PLXDC2: variants seen among roughly 807,000 people sequenced by gnomAD.
The protein encoded by PLXDC2 is plexin domain-containing protein 2.
A neutral mutation model predicts 68.9 loss-of-function variants in PLXDC2; 40 were observed. That is an observed-to-expected ratio of 0.58 (90% CI 0.45 to 0.76). PLXDC2 has a LOEUF of 0.76. Ranked by LOEUF, PLXDC2 falls within the 30% of genes least tolerant of loss-of-function variation. PLXDC2 has a pLI of 0.00. For missense variants in PLXDC2, 644 were observed against 661.9 expected (o/e 0.97, Z 0.30); for synonymous variants, 243 against 234.2 (o/e 1.04, Z -0.34).
intron 1 of PLXDC2, among the ~76,000 whole-genome samples, chr10:19,847,614 C>CATTT (rs373351127): frequency 3.0e-4 from 46 of 152,328 alleles, no homozygotes; most frequent in African/African-American, 9.9e-4. Flanking sequence ...ATTCCATACA[C>CATTT]ATTTAAGTTT....
At chr10:19,898,036 T>C (rs1380438544) in intron 1 of PLXDC2, among the ~76,000 whole-genome samples, 1 of 152,202 alleles carries the variant, frequency 6.6e-6, no homozygotes, top group Non-Finnish European at 1.5e-5. Context: ...GAGTACCACA[T>C]ACTTGAAAGT....
intron 1 of PLXDC2, among the ~76,000 whole-genome samples, chr10:19,997,298 A>G (rs1029777337): frequency 7.2e-5 from 11 of 152,244 alleles, no homozygotes; most frequent in African/African-American, 2.7e-4. Context: ...AGATGCAAAG[A>G]CATATGGCAT....
At chr10:20,243,354 A>G (rs139190915) in intron 12 of PLXDC2, among the ~76,000 whole-genome samples, 2 of 152,356 alleles carry the variant, frequency 1.3e-5, no homozygotes, top group East Asian at 3.9e-4. Context: ...TAATACAACT[A>G]TCCCTGACAC....
chr10:20,053,450 G>T lies in PLXDC2; in HGVS notation c.471+6435G>T, dbSNP rs554243949. ...TATTAAAATTCTCACAGTTATCTGG[G>T]TATTTTGTCCTTCATTCAGAGCCAC... On this transcript the variant is annotated intron_variant, in intron 3 of 13. Transcript: ENST00000377252. Among the ~76,000 whole-genome samples, 8 of 152,178 alleles carry T rather than the reference G, an allele frequency of 5.3e-5. No homozygotes were observed. In the East Asian group the frequency reaches 1.4e-3, roughly 26 times the overall value.
chr10:20,245,592 C>T lies in PLXDC2; in HGVS notation c.1473+87C>T, dbSNP rs960944785. The T allele has an allele frequency of 7.8e-6, 11 of 1,404,288 alleles. No individual in the cohort carries two copies. The African/African-American group carries it at 1.3e-4, about 17-fold the overall frequency. The allele number at this position is 1,404,288 out of a possible 1,614,324, so 87.0% of individuals were successfully genotyped here. On this transcript the variant is annotated intron_variant, in intron 13 of 13. Transcript: ENST00000377252. ...CACCACCTGGATTTAATATTTACCA[C>T]ATGGCTTCTCCATTTTTCAGTTCAA...
At chr10:20,089,501 A>G (rs1263411434) in intron 4 of PLXDC2, among the ~76,000 whole-genome samples, 2 of 152,178 alleles carry the variant, frequency 1.3e-5, no homozygotes, top group African/African-American at 4.8e-5. Context: ...CCAGGAAGAC[A>G]GATGAGGAAC....
intron 3 of PLXDC2, among the ~76,000 whole-genome samples, chr10:20,061,416 A>G (rs892367115): frequency 2.0e-5 from 3 of 152,134 alleles, no homozygotes; most frequent in East Asian, 1.9e-4. Flanking sequence ...TGGCAATACT[A>G]CAATGGGGAT....
In PLXDC2 at chr10:20,288,314, AT is replaced by A. The variant is rs1251862990; in HGVS notation, c.*8499del. The A allele has an allele frequency of 2.6e-5, 4 of 152,072 alleles. No individual in the cohort carries two copies. Among genetic ancestry groups the A allele is most frequent in the Non-Finnish European group, 5.9e-5 (4 of 68,016 alleles). The allele number at this position is 152,072 out of a possible 1,614,324, so 9.4% of individuals were successfully genotyped here. A position where few individuals can be genotyped will look rare whatever the true frequency, so the allele number is the denominator to read the frequency against. On this transcript the variant is annotated 3_prime_UTR_variant, in exon 14 of 14. Transcript: ENST00000377252. Reference sequence around the variant, plus strand: ...TAAAATAGAACTTGGAAAACCAAGCATTTTGAATTTATTCCAGTCCTCTGGG... The same window carrying A: ...TAAAATAGAACTTGGAAAACCAAGCATTTGAATTTATTCCAGTCCTCTGGG...
rs115833666 is a variant in PLXDC2 at position 20,001,883 on chromosome 10, C to T, written c.221C>T (p.Ala74Val). 1,302 of 1,613,900 alleles carry T rather than the reference C, an allele frequency of 8.1e-4. 8 individuals carry two copies. In the African/African-American group the frequency reaches 0.015, roughly 18 times the overall value. ...RWKRNLDFLK[A>V]VDTNRASVGQ... The stretch of plus-strand genomic sequence containing the variant: ...AAAAGAAACTTGGACTTTCTCAAGG[C>T]GGTAGACACGAACCGAGCAAGCGTC... The change falls in exon 2 of 14, where the codon GCG becomes GTG. Residue 74 changes from alanine to valine, a missense_variant. Around this residue, in one of 3 missense-constraint regions of PLXDC2, gnomAD observed 201 missense variants for 166.9 expected, o/e 1.20. Transcript: ENST00000377252.
At chr10:20,112,075 CAAG>C (rs1363642568) in intron 4 of PLXDC2, among the ~76,000 whole-genome samples, 1 of 152,068 alleles carries the variant, frequency 6.6e-6, no homozygotes, top group Non-Finnish European at 1.5e-5. Flanking sequence ...GAGGACACAG[CAAG>C]AAGGTCTGTG....
chr10:19,823,075 C>T (rs1325496797), intron 1 of PLXDC2, among the ~76,000 whole-genome samples: 4 of 151,958 alleles, frequency 2.6e-5, no homozygotes, highest in African/African-American at 9.7e-5. Context: ...GCCACCACGC[C>T]CAGCTAATTT....
intron 3 of PLXDC2, among the ~76,000 whole-genome samples, chr10:20,055,760 A>G (rs532313205): frequency 1.8e-4 from 28 of 152,286 alleles, no homozygotes; most frequent in African/African-American, 6.0e-4. Context: ...TCAGCTTAAT[A>G]AAGTATTTTA....
At chr10:19,971,612 A>T (rs2131612021) in intron 1 of PLXDC2, among the ~76,000 whole-genome samples, 1 of 152,262 alleles carries the variant, frequency 6.6e-6, no homozygotes, top group Non-Finnish European at 1.5e-5. Flanking sequence ...TGGGCAAAAG[A>T]AATACTTTTG....
chr10:20,238,916 A>G (rs1024500289), intron 12 of PLXDC2, among the ~76,000 whole-genome samples: 4 of 151,666 alleles, frequency 2.6e-5, no homozygotes, highest in Non-Finnish European at 5.9e-5. Context: ...AGATTAGAGT[A>G]TATTATCTTG....
At chr10:20,250,721 CA>C (rs1161400717) in intron 13 of PLXDC2, among the ~76,000 whole-genome samples, 2 of 152,094 alleles carry the variant, frequency 1.3e-5, no homozygotes, top group Admixed American at 6.6e-5. Flanking sequence ...CATGCAAGGA[CA>C]TACATTATGT....
intron 13 of PLXDC2, among the ~76,000 whole-genome samples, chr10:20,273,941 A>C (rs1192270995): frequency 6.6e-6 from 1 of 151,940 alleles, no homozygotes; most frequent in African/African-American, 2.4e-5. Context: ...TAGGAGGCTG[A>C]GGGGGGAAGA....
intron 1 of PLXDC2, among the ~76,000 whole-genome samples, chr10:19,867,603 T>C (rs1589509277): frequency 6.6e-6 from 1 of 152,298 alleles, no homozygotes; most frequent in South Asian, 2.1e-4. Flanking sequence ...CTGCAATTTC[T>C]CTTGAAGGGA....
At chr10:20,129,462 G>C (rs1425344041) in intron 4 of PLXDC2, among the ~76,000 whole-genome samples, 1 of 150,394 alleles carries the variant, frequency 6.6e-6, no homozygotes, top group Admixed American at 6.6e-5. Context: ...AGGCTTTTCA[G>C]TTTCATGAAA....
intron 6 of PLXDC2, among the ~76,000 whole-genome samples, chr10:20,163,470 T>G (rs1834333721): frequency 6.6e-6 from 1 of 152,136 alleles, no homozygotes; most frequent in Non-Finnish European, 1.5e-5. Flanking sequence ...TTATTCCCCT[T>G]CTTATTGTTA....
Sources: allele counts gnomAD v4.1 joint callset (sites outside exome capture counted in the v4.1 genomes callset), GRCh38; gene constraint gnomAD v4.1.1; regional missense constraint gnomAD v4.1.1; transcripts MANE v1.5; gene names NCBI Gene and HGNC (gene_info 2026-07-23, HGNC 2026-07-21).